PCDH9: variants seen among roughly 807,000 people sequenced by gnomAD.
The protein encoded by PCDH9 is protocadherin-9.
In PCDH9, 24 loss-of-function variants were observed where a neutral mutation model predicts 70.6. The observed-to-expected ratio is 0.34, with a 90% CI of 0.25 to 0.48. PCDH9 has a LOEUF of 0.48. Among genes scored for constraint, PCDH9 ranks in the 20% least tolerant of loss-of-function variants. The pLI is 0.99. For missense variants in PCDH9, 1,281 were observed against 1,503.6 expected (o/e 0.85, Z 2.45); for synonymous variants, 562 against 558.5 (o/e 1.01, Z -0.09).
At chr13:66,341,930 A>G (rs1399040576) in intron 4 of PCDH9, among the ~76,000 whole-genome samples, 2 of 152,190 alleles carry the variant, frequency 1.3e-5, no homozygotes, top group East Asian at 3.9e-4. Flanking sequence ...GCTGCAAGCT[A>G]TAACAGGGCA....
At chr13:67,130,901 T>C (rs1057338252) in intron 2 of PCDH9, among the ~76,000 whole-genome samples, 1 of 152,162 alleles carries the variant, frequency 6.6e-6, no homozygotes, top group Non-Finnish European at 1.5e-5. Context: ...AGCCCCCCTC[T>C]TTCTGTGTGT....
rs117744021 is a variant in PCDH9 at position 66,592,839 on chromosome 13, T to G, written c.3340+38371A>C. Among the ~76,000 whole-genome samples, 652 of 151,906 alleles carry G rather than the reference T, an allele frequency of 4.3e-3. 22 individuals carry two copies. In the East Asian group the frequency reaches 0.084, roughly 20 times the overall value. Reference sequence around the variant, plus strand: ...GTTTCTTCAGGGGTTAAGATTACTTTACGTGAAAATGTTTAGTAAGTGAAA... The same window carrying G: ...GTTTCTTCAGGGGTTAAGATTACTTGACGTGAAAATGTTTAGTAAGTGAAA... On this transcript the variant is annotated intron_variant, in intron 4 of 4. Coordinates refer to ENST00000377865, the MANE Select transcript of PCDH9 (RefSeq NM_203487.3).
chr13:66,681,950 C>CACATATATATATAT, intron 3 of PCDH9, among the ~76,000 whole-genome samples: 1 of 130,384 alleles, frequency 7.7e-6, no homozygotes, highest in South Asian at 2.5e-4. Context: ...TATATACAAA[C>CACATATATATATAT]ATATATATAT....
chr13:66,904,983 A>C (rs1278468193), intron 2 of PCDH9, among the ~76,000 whole-genome samples: 1 of 152,012 alleles, frequency 6.6e-6, no homozygotes, highest in Non-Finnish European at 1.5e-5. Context: ...ACTCTATTCA[A>C]AACTTACCTC....
intron 2 of PCDH9, among the ~76,000 whole-genome samples, chr13:67,187,198 A>C (rs548917081): frequency 5.1e-4 from 77 of 152,314 alleles, no homozygotes; most frequent in African/African-American, 1.9e-3. Context: ...CCAACGACTT[A>C]AAACTTGGAG....
intron 2 of PCDH9, among the ~76,000 whole-genome samples, chr13:66,947,329 A>G (rs1055062632): frequency 6.6e-6 from 1 of 152,178 alleles, no homozygotes; most frequent in Non-Finnish European, 1.5e-5. Context: ...CAGTTGAGGA[A>G]GCCAAATGTC....
intron 3 of PCDH9, among the ~76,000 whole-genome samples, chr13:66,806,646 G>T (rs919933031): frequency 1.3e-5 from 2 of 152,102 alleles, no homozygotes; most frequent in African/African-American, 2.4e-5. Context: ...GTTTGGATCT[G>T]CTGTGTACAA....
At chr13:66,508,943 C>A (rs915379263) in intron 4 of PCDH9, among the ~76,000 whole-genome samples, 1 of 152,070 alleles carries the variant, frequency 6.6e-6, no homozygotes, top group African/African-American at 2.4e-5. Context: ...AAAGACTTCT[C>A]GGGATGTTGT....
chr13:66,818,812 T>G (rs1365503591), intron 3 of PCDH9, among the ~76,000 whole-genome samples: 1 of 151,936 alleles, frequency 6.6e-6, no homozygotes, highest in Non-Finnish European at 1.5e-5. Context: ...CGGGCGCCTA[T>G]AGTCCCAGCT....
chr13:66,943,613 G>A (rs2139686886), intron 2 of PCDH9, among the ~76,000 whole-genome samples: 1 of 152,044 alleles, frequency 6.6e-6, no homozygotes, highest in African/African-American at 2.4e-5. Context: ...ATTGACTATA[G>A]ACGTGTCAAG....
chr13:66,988,760 C>G (rs951326586), intron 2 of PCDH9, among the ~76,000 whole-genome samples: 1 of 151,882 alleles, frequency 6.6e-6, no homozygotes, highest in Non-Finnish European at 1.5e-5. Context: ...AAGAAATGAA[C>G]GTCTAGAACT....
chr13:66,508,841 G>A (rs1244581750), intron 4 of PCDH9, among the ~76,000 whole-genome samples: 1 of 152,096 alleles, frequency 6.6e-6, no homozygotes, highest in African/African-American at 2.4e-5. Context: ...CTTTCTTTTG[G>A]AAAATTCTTG....
intron 4 of PCDH9, among the ~76,000 whole-genome samples, chr13:66,502,998 A>C (rs780638934): frequency 6.6e-4 from 101 of 152,202 alleles, no homozygotes; most frequent in Non-Finnish European, 1.1e-3. Context: ...TCCTGCCCAC[A>C]TTCTTTGTAA....
rs182524042 is a variant in PCDH9 at position 67,093,135 on chromosome 13, A to C, written c.3036+132270T>G. On this transcript the variant is annotated intron_variant, in intron 2 of 4. Transcript: ENST00000377865. ...GTTTAATTATATTAGTTAATAAAAA[A>C]TAAAATTTGATTAGTTTGTCTTTAA... 1.1e-3 allele frequency among the ~76,000 whole-genome samples: 170 copies of C among 152,308 alleles called. 2 individuals carry two copies. The highest frequency in any genetic ancestry group is 2.2e-4 in the Non-Finnish European group (15 of 68,032).
chr13:66,353,387 T>C (rs1292896573), intron 4 of PCDH9, among the ~76,000 whole-genome samples: 4 of 152,328 alleles, frequency 2.6e-5, no homozygotes, highest in Admixed American at 6.5e-5. Flanking sequence ...AGATAGTTCA[T>C]ACATCAACTT....
chr13:66,527,674 A>G (rs1960274872), intron 4 of PCDH9, among the ~76,000 whole-genome samples: 1 of 152,226 alleles, frequency 6.6e-6, no homozygotes, highest in Middle Eastern at 3.4e-3. Flanking sequence ...CAAAATGTGT[A>G]AGAAAGTCAA....
At chr13:66,974,454 G>T (rs2083580076) in intron 2 of PCDH9, among the ~76,000 whole-genome samples, 1 of 151,950 alleles carries the variant, frequency 6.6e-6, no homozygotes, top group South Asian at 2.1e-4. Flanking sequence ...AGGAAGGCTT[G>T]CCTCCATCTG....
intron 3 of PCDH9, among the ~76,000 whole-genome samples, chr13:66,891,748 T>A (rs2139568028): frequency 6.6e-6 from 1 of 152,218 alleles, no homozygotes; most frequent in Non-Finnish European, 1.5e-5. Context: ...TAAATTCACA[T>A]ATTTAGTATA....
chr13:66,923,396 T>G (rs1308865960), intron 2 of PCDH9, among the ~76,000 whole-genome samples: 2 of 151,618 alleles, frequency 1.3e-5, no homozygotes, highest in Admixed American at 6.6e-5. Flanking sequence ...TTCTAAAAAT[T>G]TTGTATTCAA....
Sources: gnomAD v4.1 joint callset for allele counts (sites outside exome capture counted in the v4.1 genomes callset) on GRCh38, gnomAD v4.1.1 for gene constraint, MANE v1.5 for transcripts, NCBI Gene and HGNC (gene_info 2026-07-23, HGNC 2026-07-21) for gene names.